HKDC1: variants seen among roughly 807,000 people sequenced by gnomAD.
HKDC1 encodes hexokinase HKDC1.
A neutral mutation model predicts 96.6 loss-of-function variants in HKDC1; 66 were observed. That is an observed-to-expected ratio of 0.68 (90% CI 0.56 to 0.84). HKDC1 has a LOEUF of 0.84. Among genes scored for constraint, HKDC1 ranks in the 40% least tolerant of loss-of-function variants. HKDC1 has a pLI of 0.00. For missense variants in HKDC1, 1,211 were observed against 1,208.1 expected (o/e 1.00, Z -0.04); for synonymous variants, 466 against 473.1 (o/e 0.98, Z 0.20).
rs1843408850 is a variant in HKDC1, at chr10:69,239,022, G to C, written c.496-20G>C. 6.3e-7 allele frequency: 1 copy of C among 1,584,766 alleles called. No individual in the cohort carries two copies. ...CTCAGCACGTCTTTCATTCAAACTGGACCTGAAATCTTCTCCCAGGGTGTC... is the reference window on the plus strand; with the variant it reads ...CTCAGCACGTCTTTCATTCAAACTGCACCTGAAATCTTCTCCCAGGGTGTC... On this transcript the variant is annotated intron_variant, in intron 4 of 17. Transcript: ENST00000354624.
At chr10:69,250,231 C>T in intron 10 of HKDC1, 59 bp from the exon 11 acceptor site, 1 of 1,569,138 alleles carries the variant, frequency 6.4e-7, no homozygotes. Flanking sequence ...TCCTCTTCCT[C>T]CCAATGCCCC....
chr10:69,220,339 C>A lies in HKDC1; in HGVS notation c.-97C>A. 3 of 898,016 alleles carry A rather than the reference C, an allele frequency of 3.3e-6. No individual in the cohort carries two copies. The highest frequency in any genetic ancestry group is 3.3e-6 in the Non-Finnish European group (2 of 612,062). 55.6% of individuals were successfully genotyped at this position (898,016 alleles called of 1,614,324 possible). A position where few individuals can be genotyped will look rare whatever the true frequency, so the allele number is the denominator to read the frequency against. Reference sequence around the variant, plus strand: ...AACACCTCGCTCCCCAGGAGGTCTGCCAGCCTGGACTGGAAGCGTGCAACA... The same window carrying A: ...AACACCTCGCTCCCCAGGAGGTCTGACAGCCTGGACTGGAAGCGTGCAACA... On this transcript the variant is annotated 5_prime_UTR_variant, in exon 1 of 18. Coordinates refer to ENST00000354624, the MANE Select transcript of HKDC1 (RefSeq NM_025130.4).
At chr10:69,257,692 G>T (rs901001370) in intron 14 of HKDC1, among the ~76,000 whole-genome samples, 2 of 151,964 alleles carry the variant, frequency 1.3e-5, no homozygotes, top group Non-Finnish European at 2.9e-5. Flanking sequence ...TCATGGGGGG[G>T]GGAAGGAGAC....
intron 1 of HKDC1, among the ~76,000 whole-genome samples, chr10:69,222,638 G>A (rs1564722233): frequency 6.6e-6 from 1 of 152,210 alleles, no homozygotes; most frequent in Non-Finnish European, 1.5e-5. Flanking sequence ...ACCCTGTGAT[G>A]GGAAATGCAG....
In HKDC1 at chr10:69,258,886, G is replaced by A; in HGVS notation, c.2143G>A (p.Gly715Ser). ...AGAGTGGGGAGGATTTGGAGACAAT[G>A]GCTGCATAGATGACATCTGGACCCG... ...NTEWGGFGDN[G>S]CIDDIWTRYD... Residue 715 changes from glycine (G) to serine (S), a missense_variant, in exon 15 of 18, where the codon GGC becomes AGC. Coordinates refer to ENST00000354624, the MANE Select transcript of HKDC1 (RefSeq NM_025130.4). 1.2e-6 allele frequency: 2 copies of A among 1,612,558 alleles called. No individual in the cohort carries two copies. The highest frequency in any genetic ancestry group is 1.7e-6 in the Non-Finnish European group (2 of 1,179,550).
At chr10:69,243,644 G>A (rs1166527946) in intron 7 of HKDC1, among the ~76,000 whole-genome samples, 2 of 151,960 alleles carry the variant, frequency 1.3e-5, no homozygotes, top group Non-Finnish European at 2.9e-5. Context: ...CTACGGGCAT[G>A]GGCCACCATT....
intron 8 of HKDC1, among the ~76,000 whole-genome samples, chr10:69,247,151 G>T (rs1297599623): frequency 6.6e-6 from 1 of 152,222 alleles, no homozygotes; most frequent in Non-Finnish European, 1.5e-5. Flanking sequence ...GAGTTACTAT[G>T]TGTAAAATCC....
chr10:69,257,764 A>C lies in HKDC1; in HGVS notation c.2032+338A>C, dbSNP rs189535844. 3.5e-4 allele frequency among the ~76,000 whole-genome samples: 54 copies of C among 152,268 alleles called. 1 individual carries two copies. The highest frequency in any genetic ancestry group is 1.3e-3 in the African/African-American group (53 of 41,562). ...TATTATAGATTTTCACTCTGGCTCC[A>C]ATGTGTGCCTCTTCTGTTCTCTGAA... On this transcript the variant is annotated intron_variant, in intron 14 of 17. Transcript: ENST00000354624.
At position 69,261,153 on chromosome 10, in the gene HKDC1, C is replaced by A. The variant is rs763163389; in HGVS notation, c.2231C>A (p.Thr744Asn). The change falls in exon 16 of 18, where the codon ACC (threonine) becomes AAC (asparagine). Residue 744 changes from threonine to asparagine, a missense_variant. Thr to Asn is a moderately conservative substitution (Grantham distance 65). Coordinates refer to ENST00000354624, the MANE Select transcript of HKDC1 (RefSeq NM_025130.4). ...NPGKQRYEKM[T>N]SGMYLGEIVR... ...TCTCCAAACAGATACGAGAAAATGA[C>A]CAGTGGGATGTACTTGGGGGAGATT... is the stretch of plus-strand genomic sequence containing the variant. 6.2e-7 allele frequency: 1 copy of A among 1,613,494 alleles called. No homozygotes were observed. The highest frequency in any genetic ancestry group is 8.5e-7 in the Non-Finnish European group (1 of 1,179,526).
chr10:69,233,547 C>T (rs969280017), intron 4 of HKDC1, among the ~76,000 whole-genome samples: 5 of 152,138 alleles, frequency 3.3e-5, no homozygotes, highest in African/African-American at 1.2e-4. Context: ...CTAGAAGAAA[C>T]ATGGGAAGGC....
intron 7 of HKDC1, among the ~76,000 whole-genome samples, chr10:69,245,663 G>A (rs1412274485): frequency 2.6e-5 from 4 of 151,980 alleles, no homozygotes; most frequent in Admixed American, 6.6e-5. Flanking sequence ...CAGACTTGGA[G>A]TAAAGCTGTA....
At position 69,233,564 on chromosome 10, in the gene HKDC1, G is replaced by C. The variant is rs942037290; in HGVS notation, c.495+431G>C. On this transcript the variant is annotated intron_variant, in intron 4 of 17. Transcript: ENST00000354624. ...AGAAGAAACATGGGAAGGCTGGGGA[G>C]TCTCTCCCTGTAGTGAGCCCTCAGG... Among the ~76,000 whole-genome samples the C allele has an allele frequency of 3.3e-5, 5 of 152,174 alleles. No individual in the cohort carries two copies. In the South Asian group the frequency reaches 6.2e-4, roughly 19 times the overall value.
chr10:69,236,323 G>A (rs917353019), intron 4 of HKDC1, among the ~76,000 whole-genome samples: 4 of 151,514 alleles, frequency 2.6e-5, no homozygotes, highest in African/African-American at 7.3e-5. Context: ...GGCCAGGCTG[G>A]TCTTGAATGC....
intron 17 of HKDC1, 91 bp downstream of exon 17, chr10:69,265,909 G>A (rs778255604): frequency 1.1e-6 from 1 of 875,480 alleles, no homozygotes; most frequent in Non-Finnish European, 1.8e-6. Context: ...TGCGGCATGG[G>A]AAGATGCATC....
chr10:69,236,122 T>A (rs1298951421), intron 4 of HKDC1, among the ~76,000 whole-genome samples: 42 of 39,712 alleles, frequency 1.1e-3, no homozygotes, highest in Non-Finnish European at 1.5e-3. Context: ...GCATTTTGAT[T>A]TTTTTTTTTT....
At chr10:69,253,301 T>G (rs901907044) in intron 12 of HKDC1, among the ~76,000 whole-genome samples, 5 of 152,080 alleles carry the variant, frequency 3.3e-5, no homozygotes, top group Non-Finnish European at 7.4e-5. Context: ...GAGCTGTCTG[T>G]TCTGCAGATG....
Position 69,233,063 on chromosome 10 carries a change from A to G in HKDC1, c.425A>G (p.Asp142Gly). The change falls in exon 4 of 18, where the codon GAT (aspartate) becomes GGT (glycine). Residue 142 changes from aspartate to glycine, a missense_variant. Coordinates refer to ENST00000354624, the MANE Select transcript of HKDC1 (RefSeq NM_025130.4). ...CTGGCAGATTTCATGAAGACCAAAG[A>G]TTTAAAGCATAAGAAATTGCCCCTT... ...DCLADFMKTK[D>G]LKHKKLPLGL... 6.2e-7 allele frequency: 1 copy of G among 1,614,208 alleles called. No homozygotes were observed. The highest frequency in any genetic ancestry group is 8.5e-7 in the Non-Finnish European group (1 of 1,180,050).
chr10:69,244,184 C>A (rs1484036564), intron 7 of HKDC1, among the ~76,000 whole-genome samples: 2 of 152,158 alleles, frequency 1.3e-5, no homozygotes, highest in African/African-American at 2.4e-5. Flanking sequence ...CCAAAGGAAG[C>A]CTCTGAAGCT....
At chr10:69,246,048 T>G in intron 7 of HKDC1, 31 bp from the exon 8 acceptor site, 1 of 1,607,972 alleles carries the variant, frequency 6.2e-7, no homozygotes, top group South Asian at 1.1e-5. Context: ...TCAAAGGGGC[T>G]GCGTCCACAG....
Sources: allele counts gnomAD v4.1 joint callset (sites outside exome capture counted in the v4.1 genomes callset), GRCh38; gene constraint gnomAD v4.1.1; transcripts MANE v1.5; gene names NCBI Gene and HGNC (gene_info 2026-07-23, HGNC 2026-07-21).